SMARCAL1: variants seen among roughly 807,000 people sequenced by gnomAD.
The protein encoded by SMARCAL1 is SNF2 related chromatin remodeling annealing helicase 1.
In SMARCAL1, 58 loss-of-function variants were observed where a neutral mutation model predicts 94.5. The ratio of observed to expected loss-of-function variants is 0.61; its 90% confidence interval spans 0.50 to 0.76. The LOEUF is 0.76. Among genes scored for constraint, SMARCAL1 ranks in the 30% least tolerant of loss-of-function variants. The pLI, the probability that SMARCAL1 is intolerant of heterozygous loss-of-function variation, is 0.00. For missense variants in SMARCAL1, 1,051 were observed against 1,177.9 expected (o/e 0.89, Z 1.58); for synonymous variants, 422 against 455.1 (o/e 0.93, Z 0.93).
chr2:216,454,670 A>G (rs1356408827), intron 12 of SMARCAL1, among the ~76,000 whole-genome samples: 1 of 152,138 alleles, frequency 6.6e-6, no homozygotes, highest in Non-Finnish European at 1.5e-5. Context: ...GGTATATGAG[A>G]GTTAGTTGTT....
chr2:216,476,216 G>A (rs1695075148), intron 15 of SMARCAL1, among the ~76,000 whole-genome samples: 1 of 151,988 alleles, frequency 6.6e-6, no homozygotes, highest in South Asian at 2.1e-4. Context: ...TAATATTGTG[G>A]TTTTTATTGG....
At chr2:216,460,646 T>G (rs1306068090) in intron 12 of SMARCAL1, among the ~76,000 whole-genome samples, 7 of 125,746 alleles carry the variant, frequency 5.6e-5, no homozygotes, top group African/African-American at 1.9e-4. Context: ...TGAGAACACT[T>G]GGACACAGGA....
intron 2 of SMARCAL1, 172 bp downstream of exon 2, chr2:216,414,064 C>A (rs532681035): frequency 1.3e-5 from 2 of 152,520 alleles, no homozygotes; most frequent in South Asian, 4.1e-4. Context: ...ACCATTTTGG[C>A]AGTGCTTCGA....
intron 10 of SMARCAL1, among the ~76,000 whole-genome samples, chr2:216,445,818 C>T (rs1371911251): frequency 2.6e-5 from 4 of 152,088 alleles, no homozygotes; most frequent in Admixed American, 6.5e-5. Flanking sequence ...GGCACAAATG[C>T]GTTTAGATAA....
Position 216,475,823 on chromosome 2 carries a change from G to A in SMARCAL1, c.2427+372G>A, listed in dbSNP as rs897895456. Among the ~76,000 whole-genome samples the A allele has an allele frequency of 6.6e-6, 1 of 151,998 alleles. No homozygotes were observed. The highest frequency in any genetic ancestry group is 1.5e-5 in the Non-Finnish European group (1 of 67,998). ...TTTCACAGCAACCTGTAGGATTATC[G>A]ACTCCATTTTATCAACGGGAAGGTT... is the stretch of plus-strand genomic sequence containing the variant. On this transcript the variant is annotated intron_variant, in intron 15 of 17. Transcript: ENST00000357276. This position sits in a 1 kb window ranked among gnomAD's most constrained non-coding sequence, Gnocchi z 4.4.
At chr2:216,448,138 C>T (rs1694359726) in intron 11 of SMARCAL1, among the ~76,000 whole-genome samples, 1 of 152,156 alleles carries the variant, frequency 6.6e-6, no homozygotes, top group Non-Finnish European at 1.5e-5. Flanking sequence ...AATTGCAAAC[C>T]ATTTTTAGCT....
chr2:216,461,263 G>T (rs1212769737), intron 12 of SMARCAL1, among the ~76,000 whole-genome samples: 4 of 151,396 alleles, frequency 2.6e-5, no homozygotes, highest in Non-Finnish European at 5.9e-5. Context: ...ATAATAAAAA[G>T]TTAACCAATT....
At chr2:216,427,585 A>G (rs1454966751) in intron 6 of SMARCAL1, 4 of 152,228 alleles carry the variant, frequency 2.6e-5, no homozygotes, top group African/African-American at 9.6e-5. Context: ...CTGCATCAAT[A>G]TGGACAGTCT....
Position 216,428,705 on chromosome 2 carries a change from T to C in SMARCAL1, c.1257T>C (p.Asp419=). The change falls in exon 7 of 18, where the codon GAT becomes GAC. Residue 419 remains aspartate (D), a synonymous_variant. Coordinates refer to ENST00000357276, the MANE Select transcript of SMARCAL1 (RefSeq NM_014140.4). ...AGACATCTCTCAGTCTCACGCCAGA[T>C]GTCCCAGAGGCAGACCTTTCTGAAG... ...LKKTSLSLTP[D]VPEADLSEVD... 6.2e-7 allele frequency: 1 copy of C among 1,614,212 alleles called. No individual in the cohort carries two copies. The highest frequency in any genetic ancestry group is 2.2e-5 in the East Asian group (1 of 44,884).
In SMARCAL1 at chr2:216,412,590, CA is replaced by C. The variant is rs1344201153; in HGVS notation, c.-153del. 15 of 152,430 alleles carry C rather than the reference CA, an allele frequency of 9.8e-5. No individual in the cohort carries two copies. Among genetic ancestry groups the C allele is most frequent in the Admixed American group, 9.8e-4 (15 of 15,290 alleles). 9.4% of individuals were successfully genotyped at this position (152,430 alleles called of 1,614,324 possible). A position where few individuals can be genotyped will look rare whatever the true frequency, so the allele number is the denominator to read the frequency against. On this transcript the variant is annotated 5_prime_UTR_variant, in exon 1 of 18. Coordinates refer to ENST00000357276, the MANE Select transcript of SMARCAL1 (RefSeq NM_014140.4). ...GACCGGTCCCGCTCGGGAGGCTCTG[CA>C]GTCGCGCCTGGGGTCAGGGCCGGGG...
chr2:216,424,879 A>C (rs1343888483), intron 6 of SMARCAL1, among the ~76,000 whole-genome samples: 1 of 152,144 alleles, frequency 6.6e-6, no homozygotes, highest in Admixed American at 6.5e-5. Context: ...GGCTGCTACT[A>C]TTTGGAACTT....
At chr2:216,420,263 C>G in intron 4 of SMARCAL1, 36 bp from the exon 5 acceptor site, 1 of 1,550,040 alleles carries the variant, frequency 6.5e-7, no homozygotes, top group Non-Finnish European at 8.9e-7. Context: ...TAGTCCCCTG[C>G]TTTATCACTT....
chr2:216,467,196 T>G (rs965977262), intron 13 of SMARCAL1, among the ~76,000 whole-genome samples: 1 of 151,890 alleles, frequency 6.6e-6, no homozygotes, highest in African/African-American at 2.4e-5. Context: ...GCTTGCCGGG[T>G]GCGGTGGCTC....
intron 5 of SMARCAL1, among the ~76,000 whole-genome samples, chr2:216,421,196 C>T (rs1052345295): frequency 3.9e-5 from 6 of 152,192 alleles, no homozygotes; most frequent in South Asian, 2.1e-4. Context: ...TGGACATTGT[C>T]GGGGTGTTTT....
intron 8 of SMARCAL1, among the ~76,000 whole-genome samples, chr2:216,434,707 TG>T (rs1189853913): frequency 6.6e-6 from 1 of 151,606 alleles, no homozygotes; most frequent in African/African-American, 2.4e-5. Flanking sequence ...TAGCCAAGTA[TG>T]GTGGTGTGCA....
At chr2:216,448,843 A>G (rs1288996777) in intron 11 of SMARCAL1, among the ~76,000 whole-genome samples, 1 of 151,982 alleles carries the variant, frequency 6.6e-6, no homozygotes, top group African/African-American at 2.4e-5. Context: ...AAAAAAAAAA[A>G]GAAAAAAGTA....
In SMARCAL1 at chr2:216,471,569, G is replaced by A. The variant is rs112025072; in HGVS notation, c.2244+3523G>A. On this transcript the variant is annotated intron_variant, in intron 14 of 17. Transcript: ENST00000357276. ...AGCTTTCACTGTGTTGGCCAGGCTG[G>A]TCTCAAACTCTTGGCCTCTGGTGAT... Among the ~76,000 whole-genome samples, 496 of 152,222 alleles carry A rather than the reference G, an allele frequency of 3.3e-3. 2 individuals are homozygous for A. The highest frequency in any genetic ancestry group is 0.012 in the African/African-American group (483 of 41,546).
chr2:216,476,604 C>T (rs1311322789), intron 15 of SMARCAL1, among the ~76,000 whole-genome samples: 2 of 152,232 alleles, frequency 1.3e-5, no homozygotes, highest in East Asian at 1.9e-4. Flanking sequence ...TGAGCCACCA[C>T]ATCCAGCCCT....
intron 4 of SMARCAL1, 102 bp downstream of exon 4, chr2:216,416,409 G>A: frequency 9.9e-7 from 1 of 1,006,822 alleles, no homozygotes; most frequent in Non-Finnish European, 1.5e-6. Flanking sequence ...CTTTACAGGT[G>A]GTGAAAGCTT....
Sources: gnomAD v4.1 joint callset for allele counts (sites outside exome capture counted in the v4.1 genomes callset) on GRCh38, gnomAD v4.1.1 for gene constraint, Gnocchi (gnomAD v3.1) non-coding constraint, MANE v1.5 for transcripts, NCBI Gene and HGNC (gene_info 2026-07-23, HGNC 2026-07-21) for gene names.